PTPRA: variants seen among roughly 807,000 people sequenced by gnomAD.
The protein encoded by PTPRA is receptor-type tyrosine-protein phosphatase alpha.
Under a neutral mutation model 104.8 loss-of-function variants are expected in PTPRA, and 25 were observed. The ratio of observed to expected loss-of-function variants is 0.24; its 90% CI spans 0.17 to 0.33. PTPRA has a LOEUF of 0.33. PTPRA is among the 10% of genes least tolerant of loss of function. The pLI, the probability that PTPRA is intolerant of heterozygous loss-of-function variation, is 1.00. For missense variants in PTPRA, 765 were observed against 1,015.3 expected, an observed-to-expected ratio of 0.75 and a Z score of 3.35; for synonymous variants, 323 against 368.9, an observed-to-expected ratio of 0.88 and a Z score of 1.43.
intron 2 of PTPRA, among the ~76,000 whole-genome samples, chr20:2,925,668 G>T (rs186550704): frequency 6.6e-6 from 1 of 152,206 alleles, no homozygotes; most frequent in African/African-American, 2.4e-5. Flanking sequence ...GCAAAAATTA[G>T]CCAGGCATGG....
At chr20:2,919,960 G>T (rs1283543919) in intron 1 of PTPRA, among the ~76,000 whole-genome samples, 1 of 152,118 alleles carries the variant, frequency 6.6e-6, no homozygotes, top group Non-Finnish European at 1.5e-5. Flanking sequence ...CATAAATAAG[G>T]TTTTATTAGA....
intron 1 of PTPRA, among the ~76,000 whole-genome samples, chr20:2,882,073 C>G (rs2090085192): frequency 6.6e-6 from 1 of 152,028 alleles, no homozygotes; most frequent in South Asian, 2.1e-4. Context: ...AAAAGGCCCA[C>G]TTAAACAAAA....
intron 2 of PTPRA, among the ~76,000 whole-genome samples, chr20:2,929,701 C>T (rs537314130): frequency 3.6e-4 from 55 of 151,980 alleles, no homozygotes; most frequent in South Asian, 2.5e-3. Context: ...AGTACATGCC[C>T]GTGGTCCCAG....
chr20:2,894,915 A>G (rs570833223), intron 1 of PTPRA, among the ~76,000 whole-genome samples: 1 of 148,092 alleles, frequency 6.8e-6, no homozygotes, highest in Non-Finnish European at 1.5e-5. Flanking sequence ...TGAACCCGGG[A>G]GGCGGAGCTT....
chr20:3,008,729 AAAAAAAAAAAAAAAAC>A (rs1046978265), intron 11 of PTPRA, among the ~76,000 whole-genome samples: 2 of 111,814 alleles, frequency 1.8e-5, no homozygotes, highest in Non-Finnish European at 3.6e-5. Context: ...CATCTCTACT[AAAAAAAAAAAAAAAAC>A]AAAAAAAAAA....
At chr20:2,921,229 C>T (rs1440819198) in intron 1 of PTPRA, among the ~76,000 whole-genome samples, 3 of 151,312 alleles carry the variant, frequency 2.0e-5, no homozygotes, top group Non-Finnish European at 2.9e-5. Context: ...ATTAATAGTA[C>T]AACTTTGATT....
At position 2,929,635 on chromosome 20, in the gene PTPRA, G is replaced by A. The variant is rs371198662; in HGVS notation, c.-50+6350G>A. ...AGCTCAGGAGTTTGAGACCAGCCTG[G>A]GAAACATGGGGAGATCCCATCTCTA... is the stretch of plus-strand genomic sequence containing the variant. On this transcript the variant is annotated intron_variant, in intron 2 of 23. Transcript: ENST00000399903. 1.9e-4 allele frequency among the ~76,000 whole-genome samples: 29 copies of A among 152,064 alleles called. 1 individual carries two copies. The East Asian group carries it at 3.9e-3, about 20-fold the overall frequency.
At chr20:2,918,728 C>G (rs940532345) in intron 1 of PTPRA, among the ~76,000 whole-genome samples, 4 of 152,194 alleles carry the variant, frequency 2.6e-5, no homozygotes, top group African/African-American at 9.6e-5. Context: ...TTCCATTCAG[C>G]TCCTTTTGGA....
In PTPRA at chr20:3,035,094, C is replaced by G. The variant is rs1290885373; in HGVS notation, c.1921-491C>G. On this transcript the variant is annotated intron_variant, in intron 20 of 23. Transcript: ENST00000399903. The surrounding 1 kb of genome is among the most constrained non-coding windows in gnomAD (Gnocchi z 5.8). ...ACTAGCAAGGACAGAAAGGCGAGTGCTAGCAACTTGAAGGTACCTTGCAGA... is the reference window on the plus strand; with the variant it reads ...ACTAGCAAGGACAGAAAGGCGAGTGGTAGCAACTTGAAGGTACCTTGCAGA... Among the ~76,000 whole-genome samples, 1 of 152,074 alleles carries G rather than the reference C, an allele frequency of 6.6e-6. No homozygotes were observed. The highest frequency in any genetic ancestry group is 1.5e-5 in the Non-Finnish European group (1 of 68,030).
At position 3,026,672 on chromosome 20, in the gene PTPRA, C is replaced by T; in HGVS notation, c.1615-15C>T. ...ACTGGGATCAGTAATGTTTCCCCTC[C>T]CCTTCCCAATTCAGAAGTTAACATC... is the stretch of plus-strand genomic sequence containing the variant. On this transcript the variant is annotated splice_polypyrimidine_tract_variant and intron_variant, in intron 17 of 23. Transcript: ENST00000399903. The T allele has an allele frequency of 1.3e-6, 2 of 1,588,274 alleles. No individual in the cohort carries two copies. Among genetic ancestry groups the T allele is most frequent in the African/African-American group, 1.3e-5 (1 of 74,394 alleles).
intron 1 of PTPRA, among the ~76,000 whole-genome samples, chr20:2,914,646 TCTTTC>T (rs1437137256): frequency 6.6e-6 from 1 of 152,142 alleles, no homozygotes; most frequent in East Asian, 1.9e-4. Context: ...ATGTGCCCAG[TCTTTC>T]CTTTCCTTAT....
At chr20:2,927,420 A>C (rs1236390521) in intron 2 of PTPRA, among the ~76,000 whole-genome samples, 1 of 152,034 alleles carries the variant, frequency 6.6e-6, no homozygotes, top group Non-Finnish European at 1.5e-5. Flanking sequence ...TTTCTCATAA[A>C]ATTTTCTCCC....
Position 2,922,623 on chromosome 20 carries a change from T to C in PTPRA, c.-128-584T>C, listed in dbSNP as rs534537189. 2.6e-5 allele frequency among the ~76,000 whole-genome samples: 4 copies of C among 151,962 alleles called. No individual in the cohort carries two copies. The East Asian group carries it at 7.8e-4, about 30-fold the overall frequency. ...TCCCAAAGTGCTGGGATTATAGGCA[T>C]GAGCCACCGCACCTGGCCTTATTTT... On this transcript the variant is annotated intron_variant, in intron 1 of 23. Coordinates refer to ENST00000399903, the MANE Select transcript of PTPRA (RefSeq NM_001385305.1).
At chr20:2,924,881 A>G (rs921854096) in intron 2 of PTPRA, among the ~76,000 whole-genome samples, 15 of 152,174 alleles carry the variant, frequency 9.9e-5, no homozygotes, top group African/African-American at 3.4e-4. Context: ...GAGTTTCACC[A>G]TGTTGGCCAG....
chr20:2,912,494 C>T (rs1470734827), intron 1 of PTPRA, among the ~76,000 whole-genome samples: 1 of 152,082 alleles, frequency 6.6e-6, no homozygotes, highest in Non-Finnish European at 1.5e-5. Flanking sequence ...CATGGTGGCT[C>T]ACGCCCGTAG....
chr20:2,865,391 T>C, the PTPRA span: 1 of 1,614,084 alleles, frequency 6.2e-7, no homozygotes, highest in Non-Finnish European at 8.5e-7. This position sits in a 1 kb window ranked among gnomAD's most constrained non-coding sequence, Gnocchi z 5.2. Context: ...AGCCCAGCTT[T>C]CCTGCAGGCT....
At chr20:2,926,116 C>T (rs1041950623) in intron 2 of PTPRA, among the ~76,000 whole-genome samples, 3 of 152,124 alleles carry the variant, frequency 2.0e-5, no homozygotes, top group Admixed American at 1.3e-4. Flanking sequence ...ATAAAAAAGA[C>T]AACATAATTC....
rs372838807 is a variant in PTPRA, at chr20:2,913,647, A to C, written c.-128-9560A>C. On this transcript the variant is annotated intron_variant, in intron 1 of 23. Coordinates refer to ENST00000399903, the MANE Select transcript of PTPRA (RefSeq NM_001385305.1). ...GATTATGCATTTTATCAGAATTGCCACATAAATTGTGCTGTGTTCTTATTT... is the reference window on the plus strand; with the variant it reads ...GATTATGCATTTTATCAGAATTGCCCCATAAATTGTGCTGTGTTCTTATTT... Among the ~76,000 whole-genome samples, 11 of 136,334 alleles carry C rather than the reference A, an allele frequency of 8.1e-5. No individual in the cohort carries two copies. The East Asian group carries it at 2.1e-3, about 26-fold the overall frequency. The allele number at this position is 136,334 out of a possible 152,430, so 89.4% of individuals were successfully genotyped here.
chr20:3,035,671 G>C lies in PTPRA; in HGVS notation c.2007G>C (p.Glu669Asp), dbSNP rs778740231. The C allele has an allele frequency of 1.9e-6, 3 of 1,614,094 alleles. No homozygotes were observed. Among genetic ancestry groups the C allele is most frequent in the East Asian group, 2.2e-5 (1 of 44,892 alleles). Residue 669 changes from glutamate (E) to aspartate (D), a missense_variant, in exon 21 of 24, where the codon GAG becomes GAC. Glu to Asp is a conservative substitution (Grantham distance 45, BLOSUM62 2). Transcript: ENST00000399903. This position sits in a 1 kb window ranked among gnomAD's most constrained non-coding sequence, Gnocchi z 5.8. ...TVELKKEEEC[E>D]SYTVRDLLVT... ...AACTGAAGAAGGAGGAGGAATGTGA[G>C]AGCTACACCGTCCGAGACCTCCTGG...
Sources: gnomAD v4.1 joint callset for allele counts (sites outside exome capture counted in the v4.1 genomes callset) on GRCh38, gnomAD v4.1.1 for gene constraint, Gnocchi (gnomAD v3.1) non-coding constraint, MANE v1.5 for transcripts, NCBI Gene and HGNC (gene_info 2026-07-23, HGNC 2026-07-21) for gene names.